CPXM2: variants seen among roughly 807,000 people sequenced by gnomAD.
CPXM2 encodes inactive carboxypeptidase-like protein X2.
CPXM2 carries 66 observed loss-of-function variants against 86.1 expected under a neutral mutation model. The observed-to-expected ratio is 0.77, with a 90% CI of 0.63 to 0.94. The LOEUF is 0.94. Ranked by LOEUF, CPXM2 falls within the 40% of genes least tolerant of loss-of-function variation. The pLI, the probability that CPXM2 is intolerant of heterozygous loss-of-function variation, is 0.00. For missense variants in CPXM2, 948 were observed against 1,026.3 expected (o/e 0.92, Z 1.04); for synonymous variants, 388 against 400.2 (o/e 0.97, Z 0.36).
intron 2 of CPXM2, among the ~76,000 whole-genome samples, chr10:123,868,570 C>A (rs1944837007): frequency 6.6e-6 from 1 of 152,076 alleles, no homozygotes; most frequent in African/African-American, 2.4e-5. Flanking sequence ...CCTGTGCATT[C>A]TAAGGGCTGA....
chr10:123,752,229 A>G (rs1846095516), intron 13 of CPXM2: 1 of 985,278 alleles, frequency 1.0e-6, no homozygotes, highest in South Asian at 4.7e-5. Flanking sequence ...CATTTGCTGA[A>G]TTAATTAAGG....
chr10:123,917,070 T>C (rs1945539820), intron 2 of CPXM2, among the ~76,000 whole-genome samples: 1 of 152,044 alleles, frequency 6.6e-6, no homozygotes, highest in African/African-American at 2.4e-5. Context: ...CCGGACCTAG[T>C]GTTTCTGAAA....
chr10:123,794,996 C>A (rs2134061019), intron 6 of CPXM2, among the ~76,000 whole-genome samples: 1 of 152,304 alleles, frequency 6.6e-6, no homozygotes, highest in South Asian at 2.1e-4. Flanking sequence ...TCTCGAACTC[C>A]TGACCTCAAG....
intron 9 of CPXM2, among the ~76,000 whole-genome samples, chr10:123,767,898 A>G (rs768660315): frequency 6.6e-6 from 1 of 152,252 alleles, no homozygotes; most frequent in Non-Finnish European, 1.5e-5. Context: ...ACATGCCATG[A>G]TTAAGTCCTC....
Position 123,771,010 on chromosome 10 carries a change from G to A in CPXM2, c.1008C>T (p.Pro336=). 1.2e-6 allele frequency: 2 copies of A among 1,613,216 alleles called. No individual in the cohort carries two copies. The highest frequency in any genetic ancestry group is 1.7e-6 in the Non-Finnish European group (2 of 1,179,210). ...QLMKVVNEMC[P]NITRIYNIGK... ...CAATGTTGTAAATTCTGGTGATATTGGGACACATTTCATTCACAACTTTCA... is the reference window on the plus strand; with the variant it reads ...CAATGTTGTAAATTCTGGTGATATTAGGACACATTTCATTCACAACTTTCA... Residue 336 remains proline, a synonymous_variant, in exon 8 of 14, where the codon CCC becomes CCT. Coordinates refer to ENST00000241305, the MANE Select transcript of CPXM2 (RefSeq NM_198148.3).
At chr10:123,882,979 C>A (rs1564811729) in intron 1 of CPXM2, among the ~76,000 whole-genome samples, 1 of 151,900 alleles carries the variant, frequency 6.6e-6, no homozygotes, top group African/African-American at 2.4e-5. Flanking sequence ...ATGGCCTGGG[C>A]AGCCCCCACA....
intron 5 of CPXM2, 106 bp from the exon 6 acceptor site, chr10:123,798,232 A>C: frequency 1.1e-6 from 1 of 907,878 alleles, no homozygotes; most frequent in Non-Finnish European, 1.6e-6. Flanking sequence ...GGAAAACCTA[A>C]TGTGTGCTGT....
chr10:123,844,121 C>T (rs948487960), intron 3 of CPXM2, among the ~76,000 whole-genome samples: 7 of 151,950 alleles, frequency 4.6e-5, no homozygotes, highest in African/African-American at 1.7e-4. Flanking sequence ...AAAGCAAGTG[C>T]CTGGGAGAAT....
At chr10:123,924,612 T>C (rs909755321) in intron 2 of CPXM2, among the ~76,000 whole-genome samples, 3 of 152,202 alleles carry the variant, frequency 2.0e-5, no homozygotes, top group African/African-American at 7.2e-5. Flanking sequence ...AGCTCTCTGA[T>C]TTTTATGGAA....
intron 2 of CPXM2, among the ~76,000 whole-genome samples, chr10:123,904,078 G>A (rs955370689): frequency 6.6e-6 from 1 of 152,182 alleles, no homozygotes; most frequent in African/African-American, 2.4e-5. Flanking sequence ...ATTAAAACCA[G>A]TATACCATTT....
chr10:123,937,503 ACACACACACACACACAC>A (rs1453038080), intron 2 of CPXM2, among the ~76,000 whole-genome samples: 16 of 148,692 alleles, frequency 1.1e-4, no homozygotes, highest in Non-Finnish European at 2.1e-4. Flanking sequence ...ACACACACAC[ACACACACACACACACAC>A]TAGAATTCTG....
chr10:123,922,213 A>G (rs952035107), intron 2 of CPXM2, among the ~76,000 whole-genome samples: 16 of 151,898 alleles, frequency 1.1e-4, no homozygotes, highest in African/African-American at 3.4e-4. Context: ...AAATGTCCCG[A>G]GGTGCAAAAT....
rs546589631 is a variant in CPXM2, at chr10:123,901,351, T to C, written n.175-21042A>G. 1.1e-4 allele frequency among the ~76,000 whole-genome samples: 17 copies of C among 151,852 alleles called. No homozygotes were observed. The East Asian group carries it at 2.5e-3, about 22-fold the overall frequency. On this transcript the variant is annotated intron_variant and non_coding_transcript_variant, in intron 2 of 19. Transcript: ENST00000368854. ...TAAATCACATGCTGAGACCCAGTGT[T>C]TTTCCAGGGCTGAGGCATAACAGAG...
Position 123,757,168 on chromosome 10 carries a change from C to A in CPXM2, c.1917+45G>T, listed in dbSNP as rs142645729. On this transcript the variant is annotated intron_variant, in intron 12 of 13. Transcript: ENST00000241305. ...CTTTCAGCCACCTCGGCAGCCTCAT[C>A]CCCCAGCTAGTCCCCCTCATCCCAG... 183 of 1,585,786 alleles carry A rather than the reference C, an allele frequency of 1.2e-4. 2 individuals carry two copies. In the Middle Eastern group the frequency reaches 2.9e-3, roughly 25 times the overall value.
rs1345732651 is a variant in CPXM2, at chr10:123,767,037, A to T, written c.1415T>A (p.Val472Asp). ...ATAGTGATTGGGAACTTTCCTGGGG[A>T]CATTCTGTCGATCCTCTGCCTCCCA... ...LLWEAEDRQN[V>D]PRKVPNHYIA... The change falls in exon 10 of 14, where the codon GTC becomes GAC. Residue 472 changes from valine (V) to aspartate (D), a missense_variant. Val to Asp is a radical substitution (Grantham distance 152). Coordinates refer to ENST00000241305, the MANE Select transcript of CPXM2 (RefSeq NM_198148.3). 6 of 1,614,038 alleles carry T rather than the reference A, an allele frequency of 3.7e-6. No homozygotes were observed. Among genetic ancestry groups the T allele is most frequent in the African/African-American group, 1.3e-5 (1 of 74,932 alleles).
chr10:123,803,704 C>T (rs1388521286), intron 4 of CPXM2, among the ~76,000 whole-genome samples: 1 of 152,124 alleles, frequency 6.6e-6, no homozygotes, highest in Non-Finnish European at 1.5e-5. Context: ...CTCTGTCACT[C>T]AGGCTGGGGT....
chr10:123,877,597 T>C (rs1476314702), intron 2 of CPXM2, among the ~76,000 whole-genome samples: 1 of 152,104 alleles, frequency 6.6e-6, no homozygotes, highest in Non-Finnish European at 1.5e-5. Context: ...TGACACATGA[T>C]CCCTTCACCA....
intron 4 of CPXM2, among the ~76,000 whole-genome samples, chr10:123,820,141 G>A (rs1847895666): frequency 6.6e-6 from 1 of 152,182 alleles, no homozygotes; most frequent in South Asian, 2.1e-4. Flanking sequence ...ACAGCCCATT[G>A]TGGGACCTTG....
intron 10 of CPXM2, among the ~76,000 whole-genome samples, chr10:123,765,795 A>C (rs1346258671): frequency 6.6e-6 from 1 of 152,160 alleles, no homozygotes; most frequent in Non-Finnish European, 1.5e-5. Context: ...AAAGGAGCCC[A>C]CCCTGCTGCT....
Sources: allele counts gnomAD v4.1 joint callset (sites outside exome capture counted in the v4.1 genomes callset), GRCh38; gene constraint gnomAD v4.1.1; transcripts MANE v1.5; gene names NCBI Gene and HGNC (gene_info 2026-07-23, HGNC 2026-07-21).